Variants in ARHGAP8 observed in about 807,000 individuals in gnomAD.
ARHGAP8 encodes the protein rho GTPase-activating protein 8.
Under a neutral mutation model 46.1 loss-of-function variants are expected in ARHGAP8, and 62 were observed. The ratio of observed to expected loss-of-function variants is 1.34; its 90% CI spans 1.10 to 1.66. The LOEUF is 1.66. Ranked by LOEUF, ARHGAP8 falls within the 40% of genes most tolerant of loss-of-function variation. The pLI is 0.00. For missense variants in ARHGAP8, 923 were observed against 568.4 expected (o/e 1.62, Z -6.34); for synonymous variants, 375 against 243.1 (o/e 1.54, Z -5.05).
intron 1 of ARHGAP8, among the ~76,000 whole-genome samples, chr22:44,754,262 A>G (rs115220698): frequency 0.018 from 2,694 of 152,080 alleles, 83 homozygotes; most frequent in African/African-American, 0.062. Context: ...CTTGTGAGGT[A>G]CGGGTGGAAA....
At chr22:44,836,138 A>T (rs907008169) in intron 7 of ARHGAP8, among the ~76,000 whole-genome samples, 2 of 152,152 alleles carry the variant, frequency 1.3e-5, no homozygotes, top group Non-Finnish European at 2.9e-5. Flanking sequence ...AGACTACAGG[A>T]TTCCAGTGCC....
At chr22:44,858,307 G>T (rs920288494) in intron 10 of ARHGAP8, among the ~76,000 whole-genome samples, 315 of 151,340 alleles carry the variant, frequency 2.1e-3, no homozygotes, top group African/African-American at 7.0e-3. Flanking sequence ...GCACACATGT[G>T]CATACATGTT....
intron 11 of ARHGAP8, among the ~76,000 whole-genome samples, chr22:44,861,151 T>C (rs1455493542): frequency 6.6e-6 from 1 of 152,298 alleles, no homozygotes; most frequent in Non-Finnish European, 1.5e-5. Context: ...TTTGTTTTTT[T>C]AGTAGAGATG....
chr22:44,832,054 GC>G (rs1930983314), intron 7 of ARHGAP8, among the ~76,000 whole-genome samples: 1 of 152,000 alleles, frequency 6.6e-6, no homozygotes. Flanking sequence ...TGAGGGTATT[GC>G]CATCTTGAAA....
At chr22:44,861,572 T>A (rs2070487163) in intron 11 of ARHGAP8, among the ~76,000 whole-genome samples, 1 of 152,178 alleles carries the variant, frequency 6.6e-6, no homozygotes, top group South Asian at 2.1e-4. Flanking sequence ...TGCTCTGCCC[T>A]GGTACTCACC....
chr22:44,824,442 C>G (rs1930367344), intron 6 of ARHGAP8, among the ~76,000 whole-genome samples: 3 of 152,122 alleles, frequency 2.0e-5, no homozygotes, highest in Non-Finnish European at 2.9e-5. Context: ...TAACCCTGCA[C>G]CATCTTGTGT....
intron 11 of ARHGAP8, among the ~76,000 whole-genome samples, chr22:44,861,447 A>C (rs960965743): frequency 4.0e-5 from 6 of 149,864 alleles, no homozygotes; most frequent in East Asian, 1.9e-4. Flanking sequence ...CACACCTGCA[A>C]CGGGCTTGGG....
intron 1 of ARHGAP8, among the ~76,000 whole-genome samples, chr22:44,755,657 G>A (rs947906627): frequency 6.6e-6 from 1 of 152,206 alleles, no homozygotes; most frequent in African/African-American, 2.4e-5. Flanking sequence ...CCAGATTTCT[G>A]TGTCCCTGGA....
intron 3 of ARHGAP8, among the ~76,000 whole-genome samples, chr22:44,807,428 A>G (rs921521083): frequency 1.7e-5 from 2 of 116,294 alleles, no homozygotes; most frequent in Admixed American, 7.6e-5. Context: ...GACGCAGAGC[A>G]CAGTGTCAGG....
At position 44,849,023 on chromosome 22, in the gene ARHGAP8, G is replaced by T. The variant is rs756169284; in HGVS notation, c.840G>T (p.Leu280=). 6.2e-6 allele frequency: 10 copies of T among 1,613,928 alleles called. No individual in the cohort carries two copies. Among genetic ancestry groups the T allele is most frequent in the Non-Finnish European group, 8.5e-6 (10 of 1,179,952 alleles). Residue 280 remains leucine (L), a synonymous_variant, in exon 10 of 12, where the codon CTG becomes CTT. Coordinates refer to ENST00000356099, the MANE Select transcript of ARHGAP8 (RefSeq NM_181335.3). The part of the protein sequence containing the change: ...TFLRELPQPL[L]TFQAYEQILG... ...TGCGAGAGCTGCCCCAGCCGCTTCT[G>T]ACCTTCCAGGCCTACGAGCAGATTC...
chr22:44,862,447 A>T lies in ARHGAP8; in HGVS notation c.1154A>T (p.Glu385Val), dbSNP rs568842004. Residue 385 changes from glutamate to valine, a missense_variant, in exon 12 of 12, where the codon GAG (glutamate) becomes GTG (valine). Coordinates refer to ENST00000356099, the MANE Select transcript of ARHGAP8 (RefSeq NM_181335.3). The stretch of plus-strand genomic sequence containing the variant: ...TATGAAAAGATCTTCAGCACCCCGG[A>T]GGCACCTGGGGAGCACGGCCTGGCA... ...EYYEKIFSTPEAPGEHGLAPW... is the reference protein window; with the variant it reads ...EYYEKIFSTPVAPGEHGLAPW... 1 of 1,614,048 alleles carries T rather than the reference A, an allele frequency of 6.2e-7. No homozygotes were observed. The highest frequency in any genetic ancestry group is 8.5e-7 in the Non-Finnish European group (1 of 1,179,996).
rs758153887 is a variant in ARHGAP8, at chr22:44,862,609, CTGTA to C, written c.*16_*19del. The C allele has an allele frequency of 9.4e-5, 145 of 1,541,686 alleles. No individual in the cohort carries two copies. In the African/African-American group the frequency reaches 1.6e-3, roughly 17 times the overall value. ...AGACGTCTCTAGTGTTGCGAACACT[CTGTA>C]TATTTCGAGCTACCTCCCACACCTG... On this transcript the variant is annotated 3_prime_UTR_variant, in exon 12 of 12. Transcript: ENST00000356099.
intron 2 of ARHGAP8, among the ~76,000 whole-genome samples, chr22:44,790,699 A>AAAAAAAT (rs1927607136): frequency 1.4e-5 from 2 of 142,012 alleles, no homozygotes; most frequent in Non-Finnish European, 1.5e-5. Flanking sequence ...AAAAAAAAAA[A>AAAAAAAT]GAGAAGGGGG....
rs999795594 is a variant in ARHGAP8 at position 44,856,455 on chromosome 22, G to C, written c.878-3276G>C. 1.6e-4 allele frequency among the ~76,000 whole-genome samples: 24 copies of C among 151,940 alleles called. 1 individual carries two copies. Among genetic ancestry groups the C allele is most frequent in the African/African-American group, 5.3e-4 (22 of 41,424 alleles). On this transcript the variant is annotated intron_variant, in intron 10 of 11. Coordinates refer to ENST00000356099, the MANE Select transcript of ARHGAP8 (RefSeq NM_181335.3). ...CGCCTGGCTAATTTTTGTATTTTTA[G>C]TAGAGACGGGGTTTCACCGTGTTGG...
rs530136305 is a variant in ARHGAP8 at position 44,790,880 on chromosome 22, G to A, written c.79+4274G>A. Among the ~76,000 whole-genome samples the A allele has an allele frequency of 2.4e-4, 36 of 151,702 alleles. 1 individual carries two copies. The highest frequency in any genetic ancestry group is 8.0e-4 in the African/African-American group (33 of 41,428). On this transcript the variant is annotated intron_variant, in intron 2 of 11. Coordinates refer to ENST00000356099, the MANE Select transcript of ARHGAP8 (RefSeq NM_181335.3). ...CCCGAGTAGCTGGGACTACAGGCACGTGCCGCCATGCCCAACTAATTTTTT... is the reference window on the plus strand; with the variant it reads ...CCCGAGTAGCTGGGACTACAGGCACATGCCGCCATGCCCAACTAATTTTTT...
At chr22:44,781,698 T>A (rs1258498891) in intron 1 of ARHGAP8, among the ~76,000 whole-genome samples, 2 of 151,008 alleles carry the variant, frequency 1.3e-5, no homozygotes, top group Non-Finnish European at 2.9e-5. Flanking sequence ...AATTTTTTTG[T>A]ATTTTTAGTA....
intron 10 of ARHGAP8, among the ~76,000 whole-genome samples, chr22:44,854,641 G>C (rs1415545834): frequency 1.3e-5 from 2 of 151,322 alleles, no homozygotes; most frequent in African/African-American, 2.4e-5. Flanking sequence ...TGGTTTTTTT[G>C]TTTTGTTTTT....
intron 10 of ARHGAP8, among the ~76,000 whole-genome samples, chr22:44,859,423 T>G (rs768282859): frequency 5.3e-5 from 8 of 152,210 alleles, no homozygotes; most frequent in Non-Finnish European, 1.5e-5. Context: ...TCTGCCATAA[T>G]TGGAAGCCTC....
chr22:44,790,769 C>G (rs1319088703), intron 2 of ARHGAP8, among the ~76,000 whole-genome samples: 3 of 145,114 alleles, frequency 2.1e-5, no homozygotes, highest in Admixed American at 6.9e-5. Context: ...GTCTTGCACT[C>G]TCTCCCAGGC....
Sources: gnomAD v4.1 joint callset for allele counts (sites outside exome capture counted in the v4.1 genomes callset) on GRCh38, gnomAD v4.1.1 for gene constraint, MANE v1.5 for transcripts, NCBI Gene and HGNC (gene_info 2026-07-23, HGNC 2026-07-21) for gene names.